The following ADGRV1 variants were observed in gnomAD, a reference collection of about 807,000 sequenced individuals.
ADGRV1 encodes the protein adhesion G protein-coupled receptor V1, also known as G-protein coupled receptor 98.
In ADGRV1, 359 loss-of-function variants were observed where a neutral mutation model predicts 596.2. The observed-to-expected ratio is 0.60, with a 90% CI of 0.55 to 0.66. ADGRV1 has a LOEUF of 0.66. Ranked by LOEUF, ADGRV1 falls within the 30% of genes least tolerant of loss-of-function variation. The pLI is 0.00. For synonymous variants in ADGRV1, 2,681 were observed against 2,679.2 expected, an observed-to-expected ratio of 1.00 and a Z score of -0.02; for missense variants, 7,274 against 7,575.6, an observed-to-expected ratio of 0.96 and a Z score of 1.48.
chr5:91,079,880 G>A (rs1052068719), intron 86 of ADGRV1, among the ~76,000 whole-genome samples: 1 of 152,142 alleles, frequency 6.6e-6, no homozygotes, highest in African/African-American at 2.4e-5. Context: ...TGGGACGGGG[G>A]TGAGAGAAAG....
At chr5:91,125,684 A>G (rs1465077533) in intron 87 of ADGRV1, among the ~76,000 whole-genome samples, 2 of 152,222 alleles carry the variant, frequency 1.3e-5, no homozygotes, top group Admixed American at 1.3e-4. Flanking sequence ...ATTTTTTTCA[A>G]AGGAATAAAG....
At chr5:90,653,128 T>C in intron 19 of ADGRV1, 81 bp from the exon 20 acceptor site, 1 of 1,314,306 alleles carries the variant, frequency 7.6e-7, no homozygotes, top group Non-Finnish European at 1.0e-6. Flanking sequence ...GTTTGTCTGC[T>C]AAACAAATTC....
intron 79 of ADGRV1, among the ~76,000 whole-genome samples, 199 bp downstream of exon 79, chr5:90,849,020 A>G (rs538506471): frequency 4.6e-5 from 7 of 152,250 alleles, no homozygotes; most frequent in Non-Finnish European, 1.0e-4. Flanking sequence ...TATACTGTCA[A>G]CAATATATTC....
intron 34 of ADGRV1, among the ~76,000 whole-genome samples, chr5:90,697,898 G>T (rs1215341796): frequency 1.3e-5 from 2 of 152,178 alleles, no homozygotes; most frequent in South Asian, 2.1e-4. Context: ...AAATGAAAAG[G>T]ATATAGATTG....
At position 90,651,669 on chromosome 5, in the gene ADGRV1, G is replaced by A; in HGVS notation, c.3355G>A (p.Gly1119Ser). 1 of 1,612,532 alleles carries A rather than the reference G, an allele frequency of 6.2e-7. No homozygotes were observed. The highest frequency in any genetic ancestry group is 1.1e-5 in the South Asian group (1 of 90,962). ...VIIEANDDPN[G>S]IFSLEPIDKA... ...AATTGAAGCTAATGATGACCCAAAT[G>A]GCATTTTTTCTCTGGAGCCCATAGA... is the stretch of plus-strand genomic sequence containing the variant. Residue 1119 changes from glycine (G) to serine (S), a missense_variant, in exon 18 of 90, where the codon GGC becomes AGC. This residue lies in a region of ADGRV1 where 1,715 missense variants were observed against 1,708.8 expected (regional missense o/e 1.00). Coordinates refer to ENST00000405460, the MANE Select transcript of ADGRV1 (RefSeq NM_032119.4).
intron 64 of ADGRV1, chr5:90,780,143 C>T (rs1758686313): frequency 6.6e-6 from 1 of 152,142 alleles, no homozygotes; most frequent in Admixed American, 6.5e-5. Flanking sequence ...ATTTGTGTTA[C>T]TGACCAGCTA....
chr5:90,933,755 G>A (rs1304801648), intron 83 of ADGRV1, among the ~76,000 whole-genome samples: 2 of 152,096 alleles, frequency 1.3e-5, no homozygotes, highest in East Asian at 3.9e-4. Flanking sequence ...GGTTCCTTCT[G>A]CCTGGAATGC....
At chr5:91,065,591 C>T (rs761500563) in intron 85 of ADGRV1, among the ~76,000 whole-genome samples, 9 of 152,150 alleles carry the variant, frequency 5.9e-5, no homozygotes, top group Non-Finnish European at 1.3e-4. Context: ...TCTCCTGGAC[C>T]CCTCTGCCTC....
rs746539283 is a variant in ADGRV1, at chr5:90,848,784, C to G, written c.17167C>G (p.Leu5723Val). ...AEVTENFAFSLLTNVTCGSPG... is the reference protein window; with the variant it reads ...AEVTENFAFSVLTNVTCGSPG... ...AGTGACTGAGAATTTTGCCTTTTCT[C>G]TGCTGACTAATGTTACTTGCGGCTC... Residue 5723 changes from leucine (L) to valine (V), a missense_variant, in exon 79 of 90, where the codon CTG (leucine) becomes GTG (valine). Physicochemically the swap from Leu to Val is conservative, Grantham distance 32. Around this residue, in one of 5 missense-constraint regions of ADGRV1, gnomAD observed 1,874 missense variants for 1,970.2 expected, o/e 0.95. Transcript: ENST00000405460. The G allele has an allele frequency of 3.1e-6, 5 of 1,588,662 alleles. No homozygotes were observed. The highest frequency in any genetic ancestry group is 1.7e-6 in the Non-Finnish European group (2 of 1,170,522).
At chr5:91,059,051 T>C (rs541532221) in intron 85 of ADGRV1, among the ~76,000 whole-genome samples, 1 of 152,352 alleles carries the variant, frequency 6.6e-6, no homozygotes, top group African/African-American at 2.4e-5. Context: ...TCTTCTCTTT[T>C]TTAATGCAAA....
chr5:90,718,919 T>C (rs531113963), intron 43 of ADGRV1, among the ~76,000 whole-genome samples: 53 of 152,306 alleles, frequency 3.5e-4, no homozygotes, highest in African/African-American at 1.3e-3. Context: ...CCGACATAAC[T>C]GTTTTTATTC....
chr5:91,042,754 G>A lies in ADGRV1; in HGVS notation c.18153-29693G>A, dbSNP rs116047342. Among the ~76,000 whole-genome samples, 873 of 152,160 alleles carry A rather than the reference G, an allele frequency of 5.7e-3. 6 individuals carry two copies. The highest frequency in any genetic ancestry group is 0.02 in the African/African-American group (845 of 41,504). ...ACAATCTCTGTCCTGTTTCCTTTAT[G>A]CAGTTATAAAATTATGGATGTCAGG... On this transcript the variant is annotated intron_variant, in intron 85 of 89. Transcript: ENST00000405460.
chr5:90,855,834 T>C lies in ADGRV1; in HGVS notation c.17688T>C (p.Tyr5896=). 2 of 1,613,236 alleles carry C rather than the reference T, an allele frequency of 1.2e-6. No homozygotes were observed. Among genetic ancestry groups the C allele is most frequent in the Non-Finnish European group, 1.7e-6 (2 of 1,179,276 alleles). ...ACSHMSVYAV[Y]ARTDNLSSYN... ...CACACATGTCTGTGTATGCTGTCTA[T>C]GCTCGGACTGACAACTTGTCTTCAT... The change falls in exon 82 of 90, where the codon TAT becomes TAC. Residue 5896 remains tyrosine, a synonymous_variant. Coordinates refer to ENST00000405460, the MANE Select transcript of ADGRV1 (RefSeq NM_032119.4).
chr5:91,056,607 A>G (rs1786890233), intron 85 of ADGRV1, among the ~76,000 whole-genome samples: 1 of 152,056 alleles, frequency 6.6e-6, no homozygotes, highest in Non-Finnish European at 1.5e-5. Flanking sequence ...ATGACAGTAG[A>G]ATGGTCGTCA....
At chr5:90,763,249 A>T in intron 58 of ADGRV1, 56 bp from the exon 59 acceptor site, 1 of 1,277,124 alleles carries the variant, frequency 7.8e-7, no homozygotes, top group Non-Finnish European at 1.0e-6. Context: ...CTACTTGTTT[A>T]TCCTGCTCTT....
intron 76 of ADGRV1, among the ~76,000 whole-genome samples, chr5:90,827,819 A>G (rs1484498123): frequency 6.6e-6 from 1 of 152,254 alleles, no homozygotes; most frequent in African/African-American, 2.4e-5. Flanking sequence ...TTTATGCTAT[A>G]ACTAAGATAT....
chr5:91,033,892 T>C (rs1174166505), intron 85 of ADGRV1, among the ~76,000 whole-genome samples: 1 of 152,194 alleles, frequency 6.6e-6, no homozygotes, highest in East Asian at 1.9e-4. Flanking sequence ...TTTCACATTT[T>C]TACATTTAAC....
At chr5:90,793,644 C>T (rs973967984) in intron 70 of ADGRV1, among the ~76,000 whole-genome samples, 1 of 152,144 alleles carries the variant, frequency 6.6e-6, no homozygotes, top group Non-Finnish European at 1.5e-5. Context: ...GTGCACTTTT[C>T]ATTTCATTTG....
intron 55 of ADGRV1, 89 bp downstream of exon 55, chr5:90,755,274 T>TTG: frequency 1.2e-6 from 1 of 821,950 alleles, no homozygotes; most frequent in South Asian, 2.0e-5. Flanking sequence ...AAAATCTTTT[T>TTG]TTTAATAAAA....
Sources: allele counts gnomAD v4.1 joint callset (sites outside exome capture counted in the v4.1 genomes callset), GRCh38; gene constraint gnomAD v4.1.1; regional missense constraint gnomAD v4.1.1; transcripts MANE v1.5; gene names NCBI Gene and HGNC (gene_info 2026-07-23, HGNC 2026-07-21).